The following RBFOX3 variants were observed in gnomAD, a reference collection of about 807,000 sequenced individuals.
RBFOX3 encodes the protein RNA binding fox-1 homolog 3.
A neutral mutation model predicts 48.7 loss-of-function variants in RBFOX3; 17 were observed. The observed-to-expected ratio is 0.35, with a 90% CI of 0.24 to 0.52. The LOEUF is 0.52. Ranked by LOEUF, RBFOX3 falls within the 20% of genes least tolerant of loss-of-function variation. The pLI, the probability that RBFOX3 is intolerant of heterozygous loss-of-function variation, is 0.94. For missense variants in RBFOX3, 382 were observed against 497.5 expected, an observed-to-expected ratio of 0.77 and a Z score of 2.21; for synonymous variants, 212 against 209.5, an observed-to-expected ratio of 1.01 and a Z score of -0.10.
Position 79,423,222 on chromosome 17 carries a change from G to A in RBFOX3, c.-175+59232C>T, listed in dbSNP as rs1383514407. Among the ~76,000 whole-genome samples, 6 of 152,140 alleles carry A rather than the reference G, an allele frequency of 3.9e-5. No homozygotes were observed. The highest frequency in any genetic ancestry group is 8.8e-5 in the Non-Finnish European group (6 of 68,032). On this transcript the variant is annotated intron_variant, in intron 2 of 14. Transcript: ENST00000693108. The surrounding 1 kb of genome is among the most constrained non-coding windows in gnomAD (Gnocchi z 4.9). ...ACTCCTCACGTCCTGCGGTCTCCCC[G>A]TGGAAGCCCCATCTTTCCAGGTTCC...
At chr17:79,263,452 C>T in intron 3 of RBFOX3, among the ~76,000 whole-genome samples, 1 of 152,228 alleles carries the variant, frequency 6.6e-6, no homozygotes. Context: ...TGCCCCTGGT[C>T]AGGTTTTTAC....
chr17:79,273,551 T>C (rs2143859512), intron 3 of RBFOX3, among the ~76,000 whole-genome samples: 1 of 119,718 alleles, frequency 8.4e-6, no homozygotes, highest in South Asian at 2.7e-4. Context: ...TGGCAGGCTA[T>C]AGGGTAAACA....
In RBFOX3 at chr17:79,299,956, G is replaced by A. The variant is rs2075050763; in HGVS notation, c.-74+7768C>T. ...GTCTCGCTCTGTGGCCCAGGCTGGA[G>A]TGCAGTGGCATGATCTCGGCTCACT... On this transcript the variant is annotated intron_variant, in intron 3 of 14. Coordinates refer to ENST00000693108, the MANE Select transcript of RBFOX3 (RefSeq NM_001350451.2). This position sits in a 1 kb window ranked among gnomAD's most constrained non-coding sequence, Gnocchi z 4.5. 6.6e-6 allele frequency among the ~76,000 whole-genome samples: 1 copy of A among 151,662 alleles called. No individual in the cohort carries two copies. The highest frequency in any genetic ancestry group is 6.6e-5 in the Admixed American group (1 of 15,232).
chr17:79,141,099 A>C (rs2041825151), intron 4 of RBFOX3, among the ~76,000 whole-genome samples: 1 of 152,214 alleles, frequency 6.6e-6, no homozygotes, highest in East Asian at 1.9e-4. Flanking sequence ...CTGCCTGGTA[A>C]ACGGGGATGC....
upstream of RBFOX3, among the ~76,000 whole-genome samples, chr17:79,613,685 A>T (rs2093983342): frequency 1.3e-5 from 2 of 152,162 alleles, no homozygotes; most frequent in African/African-American, 2.4e-5. Context: ...AGAAAATTTT[A>T]AAAAGGGGCT....
chr17:79,574,468 A>G lies in RBFOX3; in HGVS notation c.-320+36358T>C, dbSNP rs1450268211. ...CGGTAATTATAATGGATTAGCTGCT[A>G]AGAGACACCCCCGCCAGCACCATGA... On this transcript the variant is annotated intron_variant, in intron 1 of 14. Transcript: ENST00000693108. Among the ~76,000 whole-genome samples the G allele has an allele frequency of 5.3e-5, 8 of 152,316 alleles. No individual in the cohort carries two copies. The East Asian group carries it at 5.8e-4, about 11-fold the overall frequency.
intron 1 of RBFOX3, among the ~76,000 whole-genome samples, chr17:79,590,245 G>A (rs902887777): frequency 2.6e-4 from 40 of 152,226 alleles, no homozygotes; most frequent in Admixed American, 7.8e-4. Flanking sequence ...GATAGCACGC[G>A]GTAAGAGACA....
At chr17:79,533,183 G>A (rs927024293) in intron 1 of RBFOX3, among the ~76,000 whole-genome samples, 5 of 152,184 alleles carry the variant, frequency 3.3e-5, no homozygotes, top group Non-Finnish European at 7.3e-5. Context: ...ACTTGAACCC[G>A]GCCATTTCAT....
intron 1 of RBFOX3, among the ~76,000 whole-genome samples, chr17:79,530,627 A>G (rs1357054638): frequency 2.6e-5 from 4 of 152,096 alleles, no homozygotes; most frequent in African/African-American, 9.7e-5. Context: ...TCCCTTGATC[A>G]GCGCCAGCCT....
chr17:79,565,818 C>G (rs2092433909), intron 1 of RBFOX3, among the ~76,000 whole-genome samples: 1 of 152,158 alleles, frequency 6.6e-6, no homozygotes, highest in South Asian at 2.1e-4. Context: ...GAATGCAACC[C>G]AAGACCACTC....
chr17:79,098,080 T>C (rs1036725652), intron 9 of RBFOX3: 1 of 311,728 alleles, frequency 3.2e-6, no homozygotes, highest in Non-Finnish European at 6.1e-6. Context: ...AGAGGGAAAG[T>C]GGAACTTGTT....
chr17:79,442,947 G>A (rs1039151011), intron 2 of RBFOX3, among the ~76,000 whole-genome samples: 2 of 152,186 alleles, frequency 1.3e-5, no homozygotes, highest in African/African-American at 4.8e-5. Flanking sequence ...TGACTGACTT[G>A]GCCTTAAAGA....
intron 2 of RBFOX3, among the ~76,000 whole-genome samples, chr17:79,444,390 C>T (rs766562461): frequency 6.6e-6 from 1 of 152,042 alleles, no homozygotes; most frequent in Non-Finnish European, 1.5e-5. Flanking sequence ...GCATGCATCA[C>T]CGAAGACCAG....
At chr17:79,492,437 C>A (rs2080826718) in intron 1 of RBFOX3, among the ~76,000 whole-genome samples, 1 of 152,226 alleles carries the variant, frequency 6.6e-6, no homozygotes, top group African/African-American at 2.4e-5. Context: ...AGGAAGTCAG[C>A]CGCCCTGTCA....
intron 2 of RBFOX3, among the ~76,000 whole-genome samples, chr17:79,420,920 GA>G (rs1348231507): frequency 6.6e-6 from 1 of 152,204 alleles, no homozygotes; most frequent in Non-Finnish European, 1.5e-5. Context: ...AAAGCCTGGA[GA>G]CTCAGGTCAG....
At chr17:79,366,221 G>A (rs1463500876) in intron 2 of RBFOX3, among the ~76,000 whole-genome samples, 1 of 152,186 alleles carries the variant, frequency 6.6e-6, no homozygotes, top group Admixed American at 6.5e-5. Context: ...TCATGCCCAG[G>A]CACCGCACTA....
In RBFOX3 at chr17:79,482,123, C is replaced by T. The variant is rs2078866960; in HGVS notation, c.-175+331G>A. Among the ~76,000 whole-genome samples, 1 of 152,148 alleles carries T rather than the reference C, an allele frequency of 6.6e-6. No individual in the cohort carries two copies. The highest frequency in any genetic ancestry group is 1.5e-5 in the Non-Finnish European group (1 of 68,030). ...GGGAGGGTCAGGCCCTGACTTTGGA[C>T]TCTATGGCATCTTTGTTGACACCAG... On this transcript the variant is annotated intron_variant, in intron 2 of 14. Transcript: ENST00000693108. This position sits in a 1 kb window ranked among gnomAD's most constrained non-coding sequence, Gnocchi z 4.1.
intron 2 of RBFOX3, among the ~76,000 whole-genome samples, chr17:79,332,435 A>C (rs2080460418): frequency 6.6e-6 from 1 of 152,052 alleles, no homozygotes; most frequent in Admixed American, 6.5e-5. Context: ...GCTGGAGAGG[A>C]GGCAGGCTCT....
At chr17:79,303,636 T>C (rs898997136) in intron 3 of RBFOX3, among the ~76,000 whole-genome samples, 41 of 152,240 alleles carry the variant, frequency 2.7e-4, no homozygotes, top group African/African-American at 9.6e-4. Context: ...TTTCCCTTTA[T>C]CTTTTAGAGA....
Sources: gnomAD v4.1 joint callset for allele counts (sites outside exome capture counted in the v4.1 genomes callset) on GRCh38, gnomAD v4.1.1 for gene constraint, Gnocchi (gnomAD v3.1) non-coding constraint, MANE v1.5 for transcripts, NCBI Gene and HGNC (gene_info 2026-07-23, HGNC 2026-07-21) for gene names.